PUDP: variants seen among roughly 807,000 people sequenced by gnomAD.
PUDP encodes pseudouridine 5'-phosphatase, also known as pseudouridine-5'-phosphatase.
A neutral mutation model predicts 9.4 loss-of-function variants in PUDP; 8 were observed. That is an observed-to-expected ratio of 0.85 (90% CI 0.50 to 1.53). The LOEUF is 1.53. Ranked by LOEUF, PUDP falls within the 40% of genes most tolerant of loss-of-function variation. The probability of loss-of-function intolerance (pLI) is 0.00; values close to 1 mark genes in which losing one functional copy is unlikely to be tolerated. For missense variants in PUDP, 188 were observed against 189.7 expected (o/e 0.99, Z 0.05); for synonymous variants, 99 against 80.7 (o/e 1.23, Z -1.22).
chrX:7,053,337 C>A (rs1930153688), intron 3 of PUDP, among the ~76,000 whole-genome samples: 1 of 111,525 alleles, frequency 9.0e-6, no homozygotes, highest in South Asian at 3.8e-4. Context: ...ACCCAATACA[C>A]CTGCACTCAC....
At chrX:6,989,542 C>A in intron 1 of PUDP, 1 of 148,838 alleles carries the variant, frequency 6.7e-6, no homozygotes, top group South Asian at 1.7e-4. Context: ...GTTGAGATTT[C>A]ATGGTGGTGC....
At chrX:7,019,875 G>T (rs1484173289) in intron 1 of PUDP, among the ~76,000 whole-genome samples, 3 of 111,651 alleles carry the variant, frequency 2.7e-5, no homozygotes, top group African/African-American at 6.5e-5. Context: ...AAAAATGAAT[G>T]TTTTCCCTTG....
intron 3 of PUDP, among the ~76,000 whole-genome samples, chrX:6,827,286 G>A (rs772949485): frequency 1.8e-4 from 20 of 111,733 alleles, no homozygotes; most frequent in Non-Finnish European, 3.0e-4. Context: ...TGGACAAAAT[G>A]CAAAAACAAA....
chrX:6,768,633 GA>G (rs955248306), intron 3 of PUDP, among the ~76,000 whole-genome samples: 17 of 109,740 alleles, frequency 1.5e-4, no homozygotes, highest in African/African-American at 3.3e-4. Flanking sequence ...GATTTGAAAA[GA>G]AAAAAAAATT....
chrX:6,729,805 A>C (rs1018971370), intron 3 of PUDP, among the ~76,000 whole-genome samples: 14 of 111,583 alleles, frequency 1.3e-4, no homozygotes, highest in African/African-American at 4.2e-4. Flanking sequence ...AGCTCATTGC[A>C]GACAGCCCTT....
intron 3 of PUDP, among the ~76,000 whole-genome samples, chrX:6,944,961 A>C (rs1260090750): frequency 9.0e-6 from 1 of 111,134 alleles, no homozygotes; most frequent in Admixed American, 9.6e-5. Context: ...CCTGTAGGCC[A>C]CTCCCCTGAA....
chrX:7,047,306 G>T (rs1006134608), downstream of PUDP, among the ~76,000 whole-genome samples: 2 of 112,008 alleles, frequency 1.8e-5, no homozygotes, highest in Non-Finnish European at 3.8e-5. Flanking sequence ...TTCTTATTCA[G>T]TTTTGTACAT....
chrX:6,987,554 T>C (rs1224589723), intron 1 of PUDP, among the ~76,000 whole-genome samples: 2 of 112,259 alleles, frequency 1.8e-5, no homozygotes, highest in Non-Finnish European at 3.8e-5. Context: ...CTTAATAGCA[T>C]ACATTGTATA....
At chrX:7,014,788 C>T (rs1287727324) in intron 1 of PUDP, among the ~76,000 whole-genome samples, 2 of 111,730 alleles carry the variant, frequency 1.8e-5, no homozygotes, top group African/African-American at 6.5e-5. Flanking sequence ...GAATGAAGCA[C>T]AACAGAGGAG....
At chrX:6,890,618 G>C (rs1927498201) in intron 3 of PUDP, among the ~76,000 whole-genome samples, 1 of 110,526 alleles carries the variant, frequency 9.0e-6, no homozygotes, top group African/African-American at 3.3e-5. Flanking sequence ...GACTTTCCTT[G>C]TTTGAAACAG....
Position 6,893,283 on chromosome X carries a change from G to C in PUDP, c.*247+83850C>G, listed in dbSNP as rs140202800. ...TTGAACCCGATTTTGGAGGAAGAGA[G>C]AACCAGATTTTTAGAGAAGTCAAGG... On this transcript the variant is annotated intron_variant and NMD_transcript_variant, in intron 3 of 3. Transcript: ENST00000655425. Among the ~76,000 whole-genome samples, 613 of 111,975 alleles carry C rather than the reference G, an allele frequency of 5.5e-3. 3 individuals are homozygous for C. Among genetic ancestry groups the C allele is most frequent in the Non-Finnish European group, 9.2e-3 (491 of 53,177 alleles).
intron 3 of PUDP, among the ~76,000 whole-genome samples, chrX:6,751,158 GAAAA>G (rs899996853): frequency 9.6e-6 from 1 of 104,489 alleles, no homozygotes; most frequent in African/African-American, 3.5e-5. Context: ...AGGAAAGAAA[GAAAA>G]AAGAAAGAAA....
intron 3 of PUDP, among the ~76,000 whole-genome samples, chrX:6,901,518 G>C (rs1464820229): frequency 1.8e-5 from 2 of 112,359 alleles, no homozygotes; most frequent in African/African-American, 6.5e-5. Context: ...GACAAACCCA[G>C]CCTTTCCACT....
chrX:7,089,295 A>G (rs1931356545), intron 2 of PUDP, among the ~76,000 whole-genome samples: 1 of 111,882 alleles, frequency 8.9e-6, no homozygotes, highest in Non-Finnish European at 1.9e-5. Context: ...CCCAGAGAAG[A>G]GTTCTCCAGG....
At chrX:6,807,173 T>C (rs1178410357) in intron 3 of PUDP, among the ~76,000 whole-genome samples, 1 of 112,550 alleles carries the variant, frequency 8.9e-6, no homozygotes, top group Non-Finnish European at 1.9e-5. Flanking sequence ...TGACTGTTTG[T>C]TTGCTTTTGG....
At chrX:6,779,533 C>T (rs1925522261) in intron 3 of PUDP, among the ~76,000 whole-genome samples, 1 of 112,053 alleles carries the variant, frequency 8.9e-6, no homozygotes, top group South Asian at 3.7e-4. Flanking sequence ...CCAAGCGTTT[C>T]AACTGCCCTT....
At chrX:6,751,437 T>G (rs1187549709) in intron 3 of PUDP, among the ~76,000 whole-genome samples, 1 of 111,468 alleles carries the variant, frequency 9.0e-6, no homozygotes, top group Non-Finnish European at 1.9e-5. Context: ...GGCACTAAGT[T>G]CTCACAATTG....
chrX:6,969,515 A>C (rs5933913), intron 3 of PUDP, among the ~76,000 whole-genome samples: 2 of 111,653 alleles, frequency 1.8e-5, no homozygotes, highest in African/African-American at 6.5e-5. Flanking sequence ...ACTGCAGGAC[A>C]CAACCTATTG....
intron 3 of PUDP, among the ~76,000 whole-genome samples, chrX:6,827,601 A>C (rs1215343679): frequency 8.9e-6 from 1 of 111,752 alleles, no homozygotes; most frequent in Admixed American, 9.5e-5. Flanking sequence ...CACAGCAAAA[A>C]TTCTACCTCT....
Sources: gnomAD v4.1 joint callset for allele counts (sites outside exome capture counted in the v4.1 genomes callset) on GRCh38, gnomAD v4.1.1 for gene constraint, MANE v1.5 for transcripts, NCBI Gene and HGNC (gene_info 2026-07-23, HGNC 2026-07-21) for gene names.